The following CSMD1 variants were observed in gnomAD, a reference collection of about 807,000 sequenced individuals.
The protein encoded by CSMD1 is CUB and sushi domain-containing protein 1.
In CSMD1, 213 loss-of-function variants were observed where a neutral mutation model predicts 417.5. The ratio of observed to expected loss-of-function variants is 0.51; its 90% CI spans 0.46 to 0.57. CSMD1 has a LOEUF of 0.57. CSMD1 is among the 20% of genes least tolerant of loss of function. The pLI is 0.00. For missense variants in CSMD1, 6,923 were observed against 4,529.7 expected, an observed-to-expected ratio of 1.53 and a Z score of -15.17; for synonymous variants, 2,862 against 1,736.8, an observed-to-expected ratio of 1.65 and a Z score of -16.11.
rs139294603 is a variant in CSMD1, at chr8:3,208,048, T to A, written c.4868-2428A>T. Among the ~76,000 whole-genome samples the A allele has an allele frequency of 3.2e-3, 484 of 152,246 alleles. 4 individuals carry two copies. The highest frequency in any genetic ancestry group is 0.011 in the African/African-American group (452 of 41,554). On this transcript the variant is annotated intron_variant, in intron 30 of 69. Coordinates refer to ENST00000635120, the MANE Select transcript of CSMD1 (RefSeq NM_033225.6). ...ATGTCAGACCTATCTTTCCTTTTCC[T>A]CAAAAGCTTCAAGTTCAAGTTTTTA...
chr8:3,206,451 ATG>A (rs200773103), intron 30 of CSMD1, among the ~76,000 whole-genome samples: 3,013 of 23,052 alleles, frequency 0.13, 287 homozygotes, highest in East Asian at 0.35. Context: ...GTGTGTGTGT[ATG>A]TGTGTGTGGG....
At chr8:4,720,014 CT>C (rs1808947622) in intron 1 of CSMD1, among the ~76,000 whole-genome samples, 1 of 151,972 alleles carries the variant, frequency 6.6e-6, no homozygotes, top group Non-Finnish European at 1.5e-5. Context: ...AGTTTAAGTG[CT>C]TACTTACAGA....
At chr8:4,815,069 T>A (rs1799129770) in intron 1 of CSMD1, among the ~76,000 whole-genome samples, 1 of 152,146 alleles carries the variant, frequency 6.6e-6, no homozygotes, top group South Asian at 2.1e-4. Context: ...GGAAATTAGG[T>A]AGTATCCCGC....
intron 3 of CSMD1, among the ~76,000 whole-genome samples, chr8:4,050,068 C>G (rs548889938): frequency 2.0e-5 from 3 of 152,194 alleles, no homozygotes; most frequent in South Asian, 4.2e-4. Context: ...TGGAACTTGT[C>G]TGGTGTTTTC....
chr8:3,343,688 T>A (rs975868617), intron 22 of CSMD1, among the ~76,000 whole-genome samples: 13 of 152,346 alleles, frequency 8.5e-5, no homozygotes, highest in African/African-American at 3.1e-4. Flanking sequence ...CATTTTATAT[T>A]CATTACTTTA....
At chr8:2,984,048 GA>G (rs1256954667) in intron 54 of CSMD1, among the ~76,000 whole-genome samples, 1 of 151,854 alleles carries the variant, frequency 6.6e-6, no homozygotes, top group East Asian at 1.9e-4. Context: ...TAATTACTAA[GA>G]AAAAAAATAA....
intron 10 of CSMD1, among the ~76,000 whole-genome samples, chr8:3,549,978 G>A (rs528401276): frequency 6.6e-6 from 1 of 152,176 alleles, no homozygotes; most frequent in East Asian, 1.9e-4. Flanking sequence ...TAGACATAAA[G>A]AGTTAATATA....
At chr8:4,588,368 TAG>T (rs1799809202) in intron 2 of CSMD1, among the ~76,000 whole-genome samples, 1 of 151,212 alleles carries the variant, frequency 6.6e-6, no homozygotes, top group South Asian at 2.1e-4. Context: ...CTATGCTATC[TAG>T]AGACAGAGAT....
intron 1 of CSMD1, among the ~76,000 whole-genome samples, chr8:4,911,860 A>G (rs946691970): frequency 1.3e-5 from 2 of 152,022 alleles, no homozygotes; most frequent in African/African-American, 4.8e-5. Flanking sequence ...AAATTTGACA[A>G]TTCCTCTCTG....
At chr8:4,715,750 C>T (rs1252416119) in intron 1 of CSMD1, among the ~76,000 whole-genome samples, 1 of 152,250 alleles carries the variant, frequency 6.6e-6, no homozygotes, top group Admixed American at 6.5e-5. Context: ...TCACACATAT[C>T]CAACTTGTCA....
chr8:3,813,794 C>G (rs1208397467), intron 5 of CSMD1, among the ~76,000 whole-genome samples: 1 of 151,966 alleles, frequency 6.6e-6, no homozygotes, highest in African/African-American at 2.4e-5. Flanking sequence ...CTATTAATGT[C>G]TTCTGTTACT....
intron 26 of CSMD1, among the ~76,000 whole-genome samples, chr8:3,272,763 A>T (rs1801963251): frequency 6.7e-6 from 1 of 148,744 alleles, no homozygotes; most frequent in Non-Finnish European, 1.5e-5. Context: ...AATGCTTGTG[A>T]TTTTTGTACA....
intron 3 of CSMD1, among the ~76,000 whole-genome samples, chr8:4,135,195 CT>C (rs1420985510): frequency 1.3e-5 from 2 of 152,110 alleles, no homozygotes; most frequent in African/African-American, 4.8e-5. Context: ...CCATTTATCA[CT>C]TCAGGACCAA....
chr8:4,134,561 T>C (rs905578603), intron 3 of CSMD1, among the ~76,000 whole-genome samples: 1 of 152,186 alleles, frequency 6.6e-6, no homozygotes, highest in Non-Finnish European at 1.5e-5. Context: ...TGTGGCACAT[T>C]GTTATGGCAG....
chr8:4,459,671 AG>A (rs1368309738), intron 2 of CSMD1, among the ~76,000 whole-genome samples: 1 of 152,242 alleles, frequency 6.6e-6, no homozygotes. Flanking sequence ...TCTCCTGCAA[AG>A]AAGTGTGGAC....
At chr8:3,850,867 G>C (rs542899067) in intron 5 of CSMD1, among the ~76,000 whole-genome samples, 2 of 152,056 alleles carry the variant, frequency 1.3e-5, no homozygotes, top group South Asian at 2.1e-4. Flanking sequence ...ACTCAAGAAA[G>C]AATTTATTTC....
At chr8:4,343,950 G>C (rs1050641141) in intron 3 of CSMD1, among the ~76,000 whole-genome samples, 7 of 152,150 alleles carry the variant, frequency 4.6e-5, no homozygotes, top group Admixed American at 1.3e-4. Flanking sequence ...ATTATAATAA[G>C]TATTTTCATA....
At chr8:4,002,917 A>C (rs1815804993) in intron 4 of CSMD1, among the ~76,000 whole-genome samples, 1 of 152,232 alleles carries the variant, frequency 6.6e-6, no homozygotes, top group African/African-American at 2.4e-5. Flanking sequence ...CAAATTAAGC[A>C]TTATCTCAAC....
At chr8:4,848,656 C>G (rs183132429) in intron 1 of CSMD1, among the ~76,000 whole-genome samples, 1 of 152,044 alleles carries the variant, frequency 6.6e-6, no homozygotes, top group Non-Finnish European at 1.5e-5. Flanking sequence ...TATCCTGGCT[C>G]TGCCTCTCGA....
Sources: gnomAD v4.1 joint callset for allele counts (sites outside exome capture counted in the v4.1 genomes callset) on GRCh38, gnomAD v4.1.1 for gene constraint, MANE v1.5 for transcripts, NCBI Gene and HGNC (gene_info 2026-07-23, HGNC 2026-07-21) for gene names.